The following BICDL2 variants were observed in gnomAD, a reference collection of about 807,000 sequenced individuals.
BICDL2 encodes BICD family like cargo adaptor 2.
A neutral mutation model predicts 56.6 loss-of-function variants in BICDL2; 62 were observed. The ratio of observed to expected loss-of-function variants is 1.10; its 90% CI spans 0.89 to 1.35. The LOEUF is 1.35. Ranked by LOEUF, BICDL2 falls within the 40% of genes most tolerant of loss-of-function variation. The probability of loss-of-function intolerance (pLI) is 0.00; values close to 1 mark genes in which losing one functional copy is unlikely to be tolerated. For missense variants in BICDL2, 808 were observed against 684.5 expected, an observed-to-expected ratio of 1.18 and a Z score of -2.01; for synonymous variants, 358 against 319.8, an observed-to-expected ratio of 1.12 and a Z score of -1.27.
chr16:3,030,921 C>G lies in BICDL2; in HGVS notation c.498+14G>C. On this transcript the variant is annotated intron_variant, in intron 3 of 9. Coordinates refer to ENST00000572449, the MANE Select transcript of BICDL2 (RefSeq NM_001369667.1). ...CCAACCTTGTCCAGGGCCCTGGGGT[C>G]AGGGCCATCCCACCTGAGCCAGCTG... The G allele has an allele frequency of 1.3e-6, 2 of 1,545,464 alleles. No individual in the cohort carries two copies. Among genetic ancestry groups the G allele is most frequent in the Admixed American group, 1.9e-5 (1 of 51,556 alleles).
At position 3,035,238 on chromosome 16, in the gene BICDL2, C is replaced by T. The variant is rs1490496214; in HGVS notation, c.259G>A (p.Ala87Thr). The T allele has an allele frequency of 1.0e-5, 15 of 1,442,774 alleles. No individual in the cohort carries two copies. The highest frequency in any genetic ancestry group is 6.3e-5 in the East Asian group (2 of 31,872). 89.4% of individuals were successfully genotyped at this position (1,442,774 alleles called of 1,614,324 possible). Reference sequence around the variant, plus strand: ...ACTTCCTCACGCTCCAAGTGCTGGGCGCTCAGCGTCTCCAGCTGCCGCCGC... The same window carrying T: ...ACTTCCTCACGCTCCAAGTGCTGGGTGCTCAGCGTCTCCAGCTGCCGCCGC... ...ELRRQLETLS[A>T]QHLEREERLQ... is the part of the protein sequence containing the mutation. The change falls in exon 2 of 10, where the codon GCC becomes ACC. Residue 87 changes from alanine to threonine, a missense_variant. Ala to Thr is a moderately conservative substitution (Grantham distance 58). Coordinates refer to ENST00000572449, the MANE Select transcript of BICDL2 (RefSeq NM_001369667.1).
rs1955602290 is a variant in BICDL2, at chr16:3,028,812, C to G, written c.1126G>C (p.Glu376Gln). The change falls in exon 8 of 10, where the codon GAG (glutamate) becomes CAG (glutamine). Residue 376 changes from glutamate to glutamine, a missense_variant. Coordinates refer to ENST00000572449, the MANE Select transcript of BICDL2 (RefSeq NM_001369667.1). ...LQDEISLQQA[E>Q]LQSLREELQR... ...AGCTCTTCCCGCAGGGACTGCAGCT[C>G]TGCCTGCTGCAGCGAGATCTGTGAG... The G allele has an allele frequency of 1.3e-6, 2 of 1,552,388 alleles. No homozygotes were observed. The highest frequency in any genetic ancestry group is 2.7e-5 in the African/African-American group (2 of 73,490).
chr16:3,035,484 C>T lies in BICDL2; in HGVS notation c.13G>A (p.Asp5Asn). The T allele has an allele frequency of 6.2e-7, 1 of 1,609,860 alleles. No individual in the cohort carries two copies. ...GGCCCGGACGGGAAGCTGGGCCCAT[C>T]TGGAGAGCTCATGTCACCTGCAGCA... is the stretch of plus-strand genomic sequence containing the variant. The part of the protein sequence containing the change: MSSP[D>N]GPSFPSGPLS... Residue 5 changes from aspartate to asparagine, a missense_variant, in exon 2 of 10, where the codon GAT (aspartate) becomes AAT (asparagine). Coordinates refer to ENST00000572449, the MANE Select transcript of BICDL2 (RefSeq NM_001369667.1).
At chr16:3,030,671 TC>T in intron 4 of BICDL2, 24 bp downstream of exon 4, 1 of 1,600,618 alleles carries the variant, frequency 6.2e-7, no homozygotes, top group East Asian at 2.3e-5. Flanking sequence ...GCTCAGATAA[TC>T]CCCCAGCCCC....
At position 3,035,524 on chromosome 16, in the gene BICDL2, T is replaced by C; in HGVS notation, c.-28A>G. On this transcript the variant is annotated splice_region_variant and 5_prime_UTR_variant, in exon 2 of 10. Transcript: ENST00000572449. ...CACCTGCAGCATCTGCGGGGACAGG[T>C]GGCTGCGGGACACTCTACTCTGCAG... is the stretch of plus-strand genomic sequence containing the variant. 6.3e-6 allele frequency: 10 copies of C among 1,589,486 alleles called. No homozygotes were observed. The highest frequency in any genetic ancestry group is 8.6e-6 in the Non-Finnish European group (10 of 1,169,480).
chr16:3,029,742 G>A lies in BICDL2; in HGVS notation c.763-3C>T. 1 of 1,492,112 alleles carries A rather than the reference G, an allele frequency of 6.7e-7. No homozygotes were observed. The highest frequency in any genetic ancestry group is 8.9e-7 in the Non-Finnish European group (1 of 1,129,352). The allele number at this position is 1,492,112 out of a possible 1,614,324, so 92.4% of individuals were successfully genotyped here. The stretch of plus-strand genomic sequence containing the variant: ...GCCTCTGACCGTGCGCGTTCCAGCT[G>A]TGGACGGTCCCGCAGACGGAAGCGC... On this transcript the variant is annotated splice_polypyrimidine_tract_variant and splice_region_variant and intron_variant, in intron 5 of 9. Coordinates refer to ENST00000572449, the MANE Select transcript of BICDL2 (RefSeq NM_001369667.1).
chr16:3,035,641 T>C (rs1955724520), intron 1 of BICDL2, 115 bp from the exon 2 acceptor site: 1 of 922,840 alleles, frequency 1.1e-6, no homozygotes, highest in South Asian at 1.7e-5. Flanking sequence ...CAGGGCTTCC[T>C]GGGCCACAAA....
chr16:3,031,184 G>A lies in BICDL2; in HGVS notation c.283-34C>T, dbSNP rs202239715. The A allele has an allele frequency of 1.6e-4, 242 of 1,521,492 alleles. No homozygotes were observed. In the African/African-American group the frequency reaches 2.9e-3, roughly 19 times the overall value. The allele number at this position is 1,521,492 out of a possible 1,614,324, so 94.2% of individuals were successfully genotyped here. On this transcript the variant is annotated intron_variant, in intron 2 of 9. Transcript: ENST00000572449. Reference sequence around the variant, plus strand: ...GCCAGGGCAGAGGGACAGAGGCAGAGAGGCACCGATGAGACTGGGCAGGCA... The same window carrying A: ...GCCAGGGCAGAGGGACAGAGGCAGAAAGGCACCGATGAGACTGGGCAGGCA...
intron 5 of BICDL2, 133 bp downstream of exon 5, chr16:3,030,316 G>T: frequency 8.6e-7 from 1 of 1,168,902 alleles, no homozygotes; most frequent in Non-Finnish European, 1.2e-6. Context: ...ATTTGCCCAT[G>T]GGCTAATGCC....
At position 3,028,296 on chromosome 16, in the gene BICDL2, C is replaced by G. The variant is rs772882263; in HGVS notation, c.1360-23G>C. The G allele has an allele frequency of 2.0e-6, 3 of 1,526,008 alleles. No homozygotes were observed. In the African/African-American group the frequency reaches 4.2e-5, roughly 21 times the overall value. The allele number at this position is 1,526,008 out of a possible 1,614,324, so 94.5% of individuals were successfully genotyped here. On this transcript the variant is annotated intron_variant, in intron 9 of 9. Transcript: ENST00000572449. Reference sequence around the variant, plus strand: ...GTCCTGCGGGAGGCCGTGGTCGGCTCAGCGCCGGTCCCGCCCCTTGCCCCG... The same window carrying G: ...GTCCTGCGGGAGGCCGTGGTCGGCTGAGCGCCGGTCCCGCCCCTTGCCCCG...
intron 2 of BICDL2, among the ~76,000 whole-genome samples, chr16:3,033,553 G>A (rs1249945596): frequency 6.6e-6 from 1 of 152,080 alleles, no homozygotes; most frequent in African/African-American, 2.4e-5. Flanking sequence ...GGCTGAGGCA[G>A]GCAGTTTGGT....
intron 2 of BICDL2, chr16:3,031,783 A>G (rs1437333807): frequency 2.7e-6 from 1 of 373,382 alleles, no homozygotes; most frequent in Non-Finnish European, 4.7e-6. Flanking sequence ...ACTCGCAGGT[A>G]CCCTGCATTA....
chr16:3,029,591 T>C lies in BICDL2; in HGVS notation c.911A>G (p.Asp304Gly), dbSNP rs1289533403. The C allele has an allele frequency of 1.9e-6, 3 of 1,543,574 alleles. No individual in the cohort carries two copies. The Admixed American group carries it at 5.9e-5, about 30-fold the overall frequency. The change falls in exon 6 of 10, where the codon GAC becomes GGC. Residue 304 changes from aspartate (D) to glycine (G), a missense_variant. Coordinates refer to ENST00000572449, the MANE Select transcript of BICDL2 (RefSeq NM_001369667.1). ...GGCGCCCTGGCCCTGGTCGCCGTCG[T>C]CGAGGCTGTGGGCCAGTTCTGACTG... ...SLQSELAHSL[D>G]DGDQGQGADA...
At chr16:3,030,838 G>A in intron 3 of BICDL2, 26 bp from the exon 4 acceptor site, 1 of 1,585,124 alleles carries the variant, frequency 6.3e-7, no homozygotes. Flanking sequence ...GAGGGACAGA[G>A]GAGCCTCAGC....
Position 3,028,409 on chromosome 16 carries a change from C to A in BICDL2, c.1298G>T (p.Arg433Leu). Residue 433 changes from arginine to leucine, a missense_variant, in exon 9 of 10, where the codon CGG (arginine) becomes CTG (leucine). Coordinates refer to ENST00000572449, the MANE Select transcript of BICDL2 (RefSeq NM_001369667.1). ...CTGGCGGATGGCGCGCAGCAGCTCC[C>A]GAGACAGGGAGTCTCGCTCCAGCGA... ...RVSLERDSLS[R>L]ELLRAIRQKV... 1 of 1,556,268 alleles carries A rather than the reference C, an allele frequency of 6.4e-7. No homozygotes were observed. Among genetic ancestry groups the A allele is most frequent in the South Asian group, 1.2e-5 (1 of 86,176 alleles).
chr16:3,030,254 T>A, intron 5 of BICDL2, 195 bp downstream of exon 5: 1 of 672,106 alleles, frequency 1.5e-6, no homozygotes. Flanking sequence ...TGCCAGGCTC[T>A]GATGCACTCT....
intron 2 of BICDL2, 30 bp downstream of exon 2, chr16:3,035,177 GCCCACCCA>G: frequency 8.4e-6 from 1 of 118,824 alleles, no homozygotes; most frequent in Non-Finnish European, 1.6e-5. Context: ...GTCCTCCCCT[GCCCACCCA>G]CCCACCCACC....
Position 3,028,719 on chromosome 16 carries a change from G to T in BICDL2, c.1219C>A (p.Arg407=). Residue 407 remains arginine (R), a synonymous_variant, in exon 8 of 10, where the codon CGG becomes AGG. Coordinates refer to ENST00000572449, the MANE Select transcript of BICDL2 (RefSeq NM_001369667.1). The stretch of plus-strand genomic sequence containing the variant: ...GCTTACTTGTTCACGGCCTCGTCCC[G>T]GTCTGAGAGGGCACTGTGCAGGGCC... ...GEALHSALSD[R]DEAVNKALEL... 1 of 1,567,866 alleles carries T rather than the reference G, an allele frequency of 6.4e-7. No homozygotes were observed.
At position 3,028,285 on chromosome 16, in the gene BICDL2, C is replaced by A. The variant is rs761330904; in HGVS notation, c.1360-12G>T. On this transcript the variant is annotated splice_polypyrimidine_tract_variant and intron_variant, in intron 9 of 9. Transcript: ENST00000572449. The stretch of plus-strand genomic sequence containing the variant: ...ACCTGCATGTCGTCCTGCGGGAGGC[C>A]GTGGTCGGCTCAGCGCCGGTCCCGC... 3 of 1,496,200 alleles carry A rather than the reference C, an allele frequency of 2.0e-6. No homozygotes were observed. The highest frequency in any genetic ancestry group is 1.5e-5 in the African/African-American group (1 of 68,956). The allele number at this position is 1,496,200 out of a possible 1,614,324, so 92.7% of individuals were successfully genotyped here. A position where few individuals can be genotyped will look rare whatever the true frequency, so the allele number is the denominator to read the frequency against.
Sources: gnomAD v4.1 joint callset for allele counts (sites outside exome capture counted in the v4.1 genomes callset) on GRCh38, gnomAD v4.1.1 for gene constraint, MANE v1.5 for transcripts, NCBI Gene and HGNC (gene_info 2026-07-23, HGNC 2026-07-21) for gene names.